INPP4B: variants seen among roughly 807,000 people sequenced by gnomAD.
The protein encoded by INPP4B is inositol polyphosphate-4-phosphatase type II B.
In INPP4B, 55 loss-of-function variants were observed where a neutral mutation model predicts 122.5. The ratio of observed to expected loss-of-function variants is 0.45; its 90% CI spans 0.36 to 0.56. INPP4B has a LOEUF of 0.56. Among genes scored for constraint, INPP4B ranks in the 20% least tolerant of loss-of-function variants. INPP4B has a pLI of 0.00. For missense variants in INPP4B, 1,000 were observed against 1,097.7 expected (o/e 0.91, Z 1.26); for synonymous variants, 403 against 388.7 (o/e 1.04, Z -0.43).
intron 11 of INPP4B, among the ~76,000 whole-genome samples, chr4:142,257,271 A>G (rs1736749227): frequency 6.6e-6 from 1 of 152,196 alleles, no homozygotes; most frequent in Non-Finnish European, 1.5e-5. Context: ...CAAAAACTGG[A>G]TGCATTCCCT....
At chr4:142,380,155 A>T (rs192602539) in intron 7 of INPP4B, among the ~76,000 whole-genome samples, 1 of 152,338 alleles carries the variant, frequency 6.6e-6, no homozygotes, top group African/African-American at 2.4e-5. Flanking sequence ...CCACTGTGAA[A>T]CATGAATTAC....
chr4:142,187,472 T>C (rs1011834459), intron 15 of INPP4B, among the ~76,000 whole-genome samples: 1 of 152,082 alleles, frequency 6.6e-6, no homozygotes, highest in Non-Finnish European at 1.5e-5. Context: ...GTTTTATAAA[T>C]GAAGAGTATT....
intron 11 of INPP4B, among the ~76,000 whole-genome samples, chr4:142,252,025 A>C: frequency 6.6e-6 from 1 of 152,282 alleles, no homozygotes. Context: ...ATCAAAGTGG[A>C]TTTAAATTCT....
intron 17 of INPP4B, among the ~76,000 whole-genome samples, chr4:142,159,146 A>G (rs892834203): frequency 6.6e-6 from 1 of 152,002 alleles, no homozygotes; most frequent in African/African-American, 2.4e-5. Flanking sequence ...GTAACATGGT[A>G]AATCATTGAT....
intron 2 of INPP4B, among the ~76,000 whole-genome samples, chr4:142,648,932 T>C (rs938937382): frequency 4.6e-5 from 7 of 152,156 alleles, no homozygotes; most frequent in African/African-American, 1.4e-4. Context: ...AATGGGGAGA[T>C]ACCTCCCAGT....
rs146225910 is a variant in INPP4B, at chr4:142,450,035, C to T, written c.-127+12628G>A. 1.6e-3 allele frequency among the ~76,000 whole-genome samples: 248 copies of T among 152,230 alleles called. 1 individual carries two copies. The highest frequency in any genetic ancestry group is 5.8e-3 in the African/African-American group (240 of 41,528). ...TCCCTAGTGCTGGCCACTCACATTC[C>T]CTCTCATCCTCTGTAAGAAGTTGAC... On this transcript the variant is annotated intron_variant, in intron 3 of 25. Coordinates refer to ENST00000262992, the MANE Select transcript of INPP4B (RefSeq NM_001101669.3).
At chr4:142,724,701 G>T (rs1765116254) in intron 2 of INPP4B, among the ~76,000 whole-genome samples, 1 of 152,066 alleles carries the variant, frequency 6.6e-6, no homozygotes, top group Admixed American at 6.6e-5. Flanking sequence ...ATTTTCTCAA[G>T]GGGTTTATAC....
At chr4:142,512,666 C>T (rs544789228) in intron 2 of INPP4B, among the ~76,000 whole-genome samples, 2 of 152,140 alleles carry the variant, frequency 1.3e-5, no homozygotes, top group Admixed American at 6.6e-5. Context: ...TCACTTTAGT[C>T]GTCGTCATCA....
At chr4:142,536,478 A>G (rs1239609528) in intron 2 of INPP4B, among the ~76,000 whole-genome samples, 5 of 152,266 alleles carry the variant, frequency 3.3e-5, no homozygotes. Context: ...TATCATCATC[A>G]TTTTCTGTCT....
intron 17 of INPP4B, among the ~76,000 whole-genome samples, chr4:142,147,204 T>C (rs770675726): frequency 6.6e-6 from 1 of 152,188 alleles, no homozygotes; most frequent in Non-Finnish European, 1.5e-5. Flanking sequence ...AATGTAAAGA[T>C]AGTACTAAAT....
chr4:142,739,422 T>C (rs2150911795), intron 1 of INPP4B, among the ~76,000 whole-genome samples: 1 of 152,174 alleles, frequency 6.6e-6, no homozygotes, highest in East Asian at 1.9e-4. Flanking sequence ...TGTTTGCCTA[T>C]AGAATGGGCA....
intron 18 of INPP4B, among the ~76,000 whole-genome samples, chr4:142,138,233 G>T (rs1805699396): frequency 6.6e-6 from 1 of 151,778 alleles, no homozygotes; most frequent in Non-Finnish European, 1.5e-5. Flanking sequence ...CATGTCCTTT[G>T]TAGGGACATG....
At chr4:142,452,414 A>T (rs1234301697) in intron 3 of INPP4B, among the ~76,000 whole-genome samples, 1 of 152,244 alleles carries the variant, frequency 6.6e-6, no homozygotes. Flanking sequence ...CAAAAGGGAA[A>T]GCATCCTGAA....
At chr4:142,213,934 T>G (rs1845937467) in intron 12 of INPP4B, among the ~76,000 whole-genome samples, 1 of 152,180 alleles carries the variant, frequency 6.6e-6, no homozygotes, top group Non-Finnish European at 1.5e-5. Flanking sequence ...GAACCATCGG[T>G]GCAGTAGGAC....
chr4:142,599,673 C>A (rs1739456878), intron 2 of INPP4B, among the ~76,000 whole-genome samples: 1 of 151,846 alleles, frequency 6.6e-6, no homozygotes, highest in African/African-American at 2.4e-5. Flanking sequence ...TTCTTAGCAA[C>A]AGATCCTAAT....
In INPP4B at chr4:142,367,997, T is replaced by TAAG. The variant is rs1326061470; in HGVS notation, c.372+34938_372+34940dup. Among the ~76,000 whole-genome samples the TAAG allele has an allele frequency of 3.3e-5, 5 of 152,114 alleles. 1 individual carries two copies. In the East Asian group the frequency reaches 9.6e-4, roughly 29 times the overall value. ...CAGTGTATTTCCTGTCCCTCCGTAT[T>TAAG]AAGAAACACAAACATCCAAAAGGCT... is the stretch of plus-strand genomic sequence containing the variant. On this transcript the variant is annotated intron_variant, in intron 7 of 25. Coordinates refer to ENST00000262992, the MANE Select transcript of INPP4B (RefSeq NM_001101669.3).
chr4:142,677,335 A>G (rs745924953), intron 2 of INPP4B, among the ~76,000 whole-genome samples: 2 of 152,138 alleles, frequency 1.3e-5, no homozygotes, highest in Non-Finnish European at 2.9e-5. Context: ...TTAAAAAGTC[A>G]GGAAACAACA....
chr4:142,297,580 T>C (rs988388125), intron 9 of INPP4B, among the ~76,000 whole-genome samples: 2 of 152,324 alleles, frequency 1.3e-5, no homozygotes, highest in African/African-American at 4.8e-5. Context: ...CTGTTCCTAC[T>C]TCACCTTTTG....
intron 25 of INPP4B, among the ~76,000 whole-genome samples, chr4:142,040,032 G>A (rs1350986366): frequency 1.3e-5 from 2 of 151,386 alleles, no homozygotes; most frequent in South Asian, 2.1e-4. Flanking sequence ...TTTCCATTGC[G>A]GGTTGGGGGG....
Sources: gnomAD v4.1 joint callset for allele counts (sites outside exome capture counted in the v4.1 genomes callset) on GRCh38, gnomAD v4.1.1 for gene constraint, MANE v1.5 for transcripts, NCBI Gene and HGNC (gene_info 2026-07-23, HGNC 2026-07-21) for gene names.